Variants in TRERF1 observed in about 807,000 individuals in gnomAD.
The protein encoded by TRERF1 is transcriptional-regulating factor 1.
A neutral mutation model predicts 122.9 loss-of-function variants in TRERF1; 27 were observed. The observed-to-expected ratio is 0.22, with a 90% CI of 0.16 to 0.30. The LOEUF (loss-of-function observed/expected upper bound fraction) is 0.30. Among genes scored for constraint, TRERF1 ranks in the 10% least tolerant of loss-of-function variants. The pLI, the probability that TRERF1 is intolerant of heterozygous loss-of-function variation, is 1.00. For synonymous variants in TRERF1, 636 were observed against 641.7 expected, an observed-to-expected ratio of 0.99 and a Z score of 0.13; for missense variants, 1,248 against 1,560.3, an observed-to-expected ratio of 0.80 and a Z score of 3.37.
intron 4 of TRERF1, among the ~76,000 whole-genome samples, chr6:42,294,561 C>A (rs1784796939): frequency 6.6e-6 from 1 of 152,126 alleles, no homozygotes; most frequent in Non-Finnish European, 1.5e-5. Context: ...AAGGTTCCAC[C>A]AATGGTGAGA....
At chr6:42,338,769 T>A (rs1206702058) in intron 3 of TRERF1, among the ~76,000 whole-genome samples, 1 of 152,068 alleles carries the variant, frequency 6.6e-6, no homozygotes, top group African/African-American at 2.4e-5. Context: ...CTACCAGAGG[T>A]CCTTCCGCAC....
rs1779562781 is a variant in TRERF1, at chr6:42,268,235, G to A, written c.1356C>T (p.Pro452=). 1 of 1,496,298 alleles carries A rather than the reference G, an allele frequency of 6.7e-7. No individual in the cohort carries two copies. Among genetic ancestry groups the A allele is most frequent in the South Asian group, 1.4e-5 (1 of 70,244 alleles). The allele number at this position is 1,496,298 out of a possible 1,614,324, so 92.7% of individuals were successfully genotyped here. A position where few individuals can be genotyped will look rare whatever the true frequency, so the allele number is the denominator to read the frequency against. ...GGTGGATCCCACTGGGGGATAGGAG[G>A]GGGCGATGGGGGAGGGTGCTGCTGA... The change falls in exon 5 of 18, where the codon CCC becomes CCT. Residue 452 remains proline (P), a synonymous_variant. Coordinates refer to ENST00000372922, the Ensembl canonical transcript of TRERF1. The surrounding 1 kb of genome is among the most constrained non-coding windows in gnomAD (Gnocchi z 4.4).
At chr6:42,271,599 C>A (rs998984870) in intron 4 of TRERF1, among the ~76,000 whole-genome samples, 2 of 151,892 alleles carry the variant, frequency 1.3e-5, no homozygotes, top group Non-Finnish European at 2.9e-5. Context: ...AAAGTCACCC[C>A]CCCCAAAAAA....
At chr6:42,406,573 T>C (rs1346078885) in intron 2 of TRERF1, among the ~76,000 whole-genome samples, 5 of 152,296 alleles carry the variant, frequency 3.3e-5, no homozygotes, top group South Asian at 2.1e-4. Context: ...ATGTCCAGTA[T>C]ATCCTAGACG....
intron 2 of TRERF1, among the ~76,000 whole-genome samples, chr6:42,380,960 G>A (rs771277205): frequency 3.9e-5 from 6 of 152,230 alleles, no homozygotes; most frequent in South Asian, 4.1e-4. Flanking sequence ...CCATTTCCAT[G>A]AGGATTCTCT....
chr6:42,350,027 A>C (rs1769104311), intron 3 of TRERF1, among the ~76,000 whole-genome samples: 1 of 152,162 alleles, frequency 6.6e-6, no homozygotes, highest in Admixed American at 6.5e-5. Context: ...GGACTATCAT[A>C]TTTAGATTGC....
chr6:42,235,070 TA>T (rs1025392820), intron 16 of TRERF1, among the ~76,000 whole-genome samples: 1 of 151,822 alleles, frequency 6.6e-6, no homozygotes, highest in African/African-American at 2.4e-5. Context: ...ATGCAAAATG[TA>T]TGTATCTTTT....
At chr6:42,433,348 C>T (rs916349907) in intron 2 of TRERF1, among the ~76,000 whole-genome samples, 6 of 151,856 alleles carry the variant, frequency 4.0e-5, no homozygotes, top group African/African-American at 9.7e-5. Context: ...GTTCTGCAAG[C>T]GATTTCTCCT....
At chr6:42,260,333 C>T (rs1461257929) in intron 8 of TRERF1, among the ~76,000 whole-genome samples, 2 of 152,070 alleles carry the variant, frequency 1.3e-5, no homozygotes, top group Non-Finnish European at 2.9e-5. Context: ...CCCCCGTCAC[C>T]ACCCCTCACT....
At chr6:42,313,493 C>T (rs1277011244) in intron 3 of TRERF1, among the ~76,000 whole-genome samples, 2 of 152,122 alleles carry the variant, frequency 1.3e-5, no homozygotes, top group Non-Finnish European at 2.9e-5. Context: ...TTCTCTGCAA[C>T]ATCCTAACTC....
At chr6:42,293,685 G>A (rs1784646671) in intron 4 of TRERF1, among the ~76,000 whole-genome samples, 1 of 151,944 alleles carries the variant, frequency 6.6e-6, no homozygotes, top group South Asian at 2.1e-4. Flanking sequence ...ACAGTCACAG[G>A]AAATCTAAAC....
At chr6:42,408,894 A>G (rs1034311541) in intron 2 of TRERF1, among the ~76,000 whole-genome samples, 2 of 152,144 alleles carry the variant, frequency 1.3e-5, no homozygotes, top group Non-Finnish European at 2.9e-5. Context: ...TATAAATCTG[A>G]GTTCACTTTT....
chr6:42,267,703 C>T (rs964299133), intron 5 of TRERF1, among the ~76,000 whole-genome samples: 1 of 152,190 alleles, frequency 6.6e-6, no homozygotes, highest in African/African-American at 2.4e-5. Flanking sequence ...GTTTCCCCAG[C>T]AATATCCATT....
intron 2 of TRERF1, among the ~76,000 whole-genome samples, chr6:42,420,887 G>C (rs365387): frequency 6.6e-6 from 1 of 152,102 alleles, no homozygotes; most frequent in African/African-American, 2.4e-5. Flanking sequence ...GTCCCTGACA[G>C]GGGGCCACCC....
intron 2 of TRERF1, among the ~76,000 whole-genome samples, chr6:42,448,577 C>T (rs982267149): frequency 2.0e-5 from 3 of 152,166 alleles, no homozygotes; most frequent in Non-Finnish European, 4.4e-5. Context: ...GCCGTTGGCT[C>T]AGGAAGAGAC....
chr6:42,257,045 A>T, exon 11 of TRERF1: 1 of 1,614,174 alleles, frequency 6.2e-7, no homozygotes, highest in Non-Finnish European at 8.5e-7. Context: ...GGGCCAGGGC[A>T]GAGATATCTT....
At chr6:42,316,739 T>C (rs921607835) in intron 3 of TRERF1, among the ~76,000 whole-genome samples, 2 of 152,124 alleles carry the variant, frequency 1.3e-5, no homozygotes, top group Non-Finnish European at 2.9e-5. Context: ...GTCTTGGTAA[T>C]GAAAGGCCAC....
intron 16 of TRERF1, among the ~76,000 whole-genome samples, chr6:42,233,601 A>G (rs1458141455): frequency 1.3e-5 from 2 of 151,982 alleles, no homozygotes; most frequent in African/African-American, 4.8e-5. Flanking sequence ...TTTTTTAAAG[A>G]TGATAACTAC....
At chr6:42,352,245 T>C (rs1296145889) in intron 3 of TRERF1, among the ~76,000 whole-genome samples, 1 of 152,186 alleles carries the variant, frequency 6.6e-6, no homozygotes, top group Non-Finnish European at 1.5e-5. Flanking sequence ...TCCTCTAGCC[T>C]CGACTTGCCA....
Sources: gnomAD v4.1 joint callset for allele counts (sites outside exome capture counted in the v4.1 genomes callset) on GRCh38, gnomAD v4.1.1 for gene constraint, Gnocchi (gnomAD v3.1) non-coding constraint, MANE v1.5 for transcripts, NCBI Gene and HGNC (gene_info 2026-07-23, HGNC 2026-07-21) for gene names.